RFTN2: variants seen among roughly 807,000 people sequenced by gnomAD.
RFTN2 encodes raftlin-2.
A neutral mutation model predicts 52.7 loss-of-function variants in RFTN2; 34 were observed. The ratio of observed to expected loss-of-function variants is 0.64; its 90% CI spans 0.49 to 0.86. The LOEUF is 0.86. Among genes scored for constraint, RFTN2 ranks in the 40% least tolerant of loss-of-function variants. The pLI is 0.00. For synonymous variants in RFTN2, 203 were observed against 217.7 expected (o/e 0.93, Z 0.59); for missense variants, 536 against 600.1 (o/e 0.89, Z 1.12).
chr2:197,604,443 A>C (rs2106197036), intron 7 of RFTN2, among the ~76,000 whole-genome samples: 1 of 152,358 alleles, frequency 6.6e-6, no homozygotes, highest in South Asian at 2.1e-4. Context: ...TGTTAAGTGA[A>C]AGCAGCAACA....
intron 1 of RFTN2, among the ~76,000 whole-genome samples, chr2:197,653,617 C>T (rs2088853630): frequency 6.6e-6 from 1 of 151,800 alleles, no homozygotes; most frequent in African/African-American, 2.4e-5. Flanking sequence ...AGAAAGCAGA[C>T]TGCCAGCAAC....
chr2:197,629,508 T>C (rs557259241), intron 5 of RFTN2, among the ~76,000 whole-genome samples: 22 of 152,044 alleles, frequency 1.4e-4, no homozygotes, highest in African/African-American at 4.8e-4. Context: ...GACGATTTGA[T>C]GGGTGCGGCA....
intron 1 of RFTN2, among the ~76,000 whole-genome samples, chr2:197,666,716 G>T (rs2089068044): frequency 6.6e-6 from 1 of 152,296 alleles, no homozygotes; most frequent in Middle Eastern, 3.4e-3. Flanking sequence ...CATTAAATAG[G>T]TCTTCTAACC....
intron 1 of RFTN2, among the ~76,000 whole-genome samples, chr2:197,650,001 G>T (rs1248176659): frequency 1.3e-5 from 2 of 152,058 alleles, no homozygotes; most frequent in Non-Finnish European, 2.9e-5. Context: ...AGTAATGGCT[G>T]CACAACAATA....
chr2:197,590,207 T>G (rs1428136435), intron 8 of RFTN2, among the ~76,000 whole-genome samples: 1 of 152,154 alleles, frequency 6.6e-6, no homozygotes, highest in African/African-American at 2.4e-5. Context: ...ACCTGGCCCC[T>G]AAAAACTCTT....
At chr2:197,642,612 T>A (rs2088690408) in intron 3 of RFTN2, among the ~76,000 whole-genome samples, 1 of 152,220 alleles carries the variant, frequency 6.6e-6, no homozygotes, top group South Asian at 2.1e-4. Flanking sequence ...TGGTTAAATA[T>A]CTTTGTATAA....
Position 197,569,567 on chromosome 2 carries a change from T to C in RFTN2, c.*2441A>G, listed in dbSNP as rs1054019769. ...TTTATTTTAATAAAAGTTATTTTAATAAGAAATAACTCAGATTAAAAATAA... is the reference window on the plus strand; with the variant it reads ...TTTATTTTAATAAAAGTTATTTTAACAAGAAATAACTCAGATTAAAAATAA... On this transcript the variant is annotated 3_prime_UTR_variant, in exon 9 of 9. Transcript: ENST00000295049. 1 of 152,102 alleles carries C rather than the reference T, an allele frequency of 6.6e-6. No homozygotes were observed. Among genetic ancestry groups the C allele is most frequent in the Non-Finnish European group, 1.5e-5 (1 of 68,020 alleles). The allele number at this position is 152,102 out of a possible 1,614,324, so 9.4% of individuals were successfully genotyped here.
At chr2:197,614,568 C>T (rs1329829882) in intron 7 of RFTN2, among the ~76,000 whole-genome samples, 1 of 152,216 alleles carries the variant, frequency 6.6e-6, no homozygotes, top group Admixed American at 6.5e-5. Flanking sequence ...ATCACTGTAA[C>T]ACATGCCTAC....
chr2:197,571,951 A>G lies in RFTN2; in HGVS notation c.*57T>C. Reference sequence around the variant, plus strand: ...GCAGAGAAAGTAATACAATAAGGTCAGTTGGCAATGATTTTAACAATTATT... The same window carrying G: ...GCAGAGAAAGTAATACAATAAGGTCGGTTGGCAATGATTTTAACAATTATT... On this transcript the variant is annotated 3_prime_UTR_variant, in exon 9 of 9. Transcript: ENST00000295049. The G allele has an allele frequency of 6.5e-7, 1 of 1,530,808 alleles. No homozygotes were observed. Among genetic ancestry groups the G allele is most frequent in the Non-Finnish European group, 9.0e-7 (1 of 1,108,576 alleles). The allele number at this position is 1,530,808 out of a possible 1,614,324, so 94.8% of individuals were successfully genotyped here.
intron 1 of RFTN2, among the ~76,000 whole-genome samples, chr2:197,659,324 C>A (rs1317261823): frequency 6.6e-6 from 1 of 151,418 alleles, no homozygotes; most frequent in African/African-American, 2.4e-5. Flanking sequence ...CATGGTGAAA[C>A]CCCGTCTCTA....
At chr2:197,668,258 A>C (rs572023772) in intron 1 of RFTN2, among the ~76,000 whole-genome samples, 1 of 152,206 alleles carries the variant, frequency 6.6e-6, no homozygotes, top group South Asian at 2.1e-4. Flanking sequence ...GAGGGGAGTG[A>C]AGCTAGGCTA....
In RFTN2 at chr2:197,675,558, G is replaced by T; in HGVS notation, c.-100C>A. The T allele has an allele frequency of 5.1e-5, 11 of 215,650 alleles. No individual in the cohort carries two copies. The highest frequency in any genetic ancestry group is 2.8e-4 in the East Asian group (2 of 7,258). 13.4% of individuals were successfully genotyped at this position (215,650 alleles called of 1,614,324 possible). ...AGAAAGTTACAGACTTAACTGCTTT[G>T]ATTTTGTTTTCAGCTAAACTATAGA... On this transcript the variant is annotated 5_prime_UTR_variant, in exon 1 of 9. Coordinates refer to ENST00000295049, the MANE Select transcript of RFTN2 (RefSeq NM_144629.3).
At chr2:197,630,411 GA>G (rs1203448508) in intron 5 of RFTN2, among the ~76,000 whole-genome samples, 2 of 151,704 alleles carry the variant, frequency 1.3e-5, no homozygotes, top group African/African-American at 4.8e-5. Flanking sequence ...AAACTTCCTA[GA>G]AAGTCATTTT....
intron 7 of RFTN2, among the ~76,000 whole-genome samples, chr2:197,606,623 A>G (rs190517847): frequency 5.6e-4 from 85 of 152,040 alleles, no homozygotes; most frequent in African/African-American, 1.9e-3. Context: ...GAACTCAAAC[A>G]AATTTACAAG....
chr2:197,625,091 T>A (rs1450433376), intron 5 of RFTN2, among the ~76,000 whole-genome samples: 29 of 152,078 alleles, frequency 1.9e-4, no homozygotes, highest in Admixed American at 1.9e-3. Context: ...CCCCAGGGAT[T>A]CTCCCACCTT....
chr2:197,635,231 T>C (rs199718686), intron 3 of RFTN2, among the ~76,000 whole-genome samples: 74,418 of 151,722 alleles, frequency 0.49, 18,875 homozygotes, highest in African/African-American at 0.58. Flanking sequence ...GCATGATTTA[T>C]AGTCCTTTGG....
At chr2:197,621,544 CATT>C (rs1229016656) in intron 5 of RFTN2, among the ~76,000 whole-genome samples, 1 of 151,256 alleles carries the variant, frequency 6.6e-6, no homozygotes, top group Non-Finnish European at 1.5e-5. Flanking sequence ...CAACCTTTTT[CATT>C]ATTATTCTAT....
At chr2:197,593,938 G>T (rs1286576221) in intron 8 of RFTN2, among the ~76,000 whole-genome samples, 1 of 150,980 alleles carries the variant, frequency 6.6e-6, no homozygotes, top group African/African-American at 2.4e-5. Context: ...AGTTTGCTTT[G>T]GGGGAAGAAG....
intron 7 of RFTN2, among the ~76,000 whole-genome samples, chr2:197,606,392 A>G (rs2087962634): frequency 6.6e-6 from 1 of 152,228 alleles, no homozygotes; most frequent in South Asian, 2.1e-4. Flanking sequence ...ATCAGTTTCA[A>G]TACAACTAAG....
Sources: gnomAD v4.1 joint callset for allele counts (sites outside exome capture counted in the v4.1 genomes callset) on GRCh38, gnomAD v4.1.1 for gene constraint, MANE v1.5 for transcripts, NCBI Gene and HGNC (gene_info 2026-07-23, HGNC 2026-07-21) for gene names.